MCC: variants seen among roughly 807,000 people sequenced by gnomAD.
The protein encoded by MCC is MCC regulator of Wnt signaling pathway, also known as colorectal mutant cancer protein.
Under a neutral mutation model 116.2 loss-of-function variants are expected in MCC, and 90 were observed. The observed-to-expected ratio is 0.77, with a 90% CI of 0.65 to 0.92. The LOEUF (loss-of-function observed/expected upper bound fraction) is 0.92. MCC is among the 40% of genes least tolerant of loss of function. MCC has a pLI of 0.00. For synonymous variants in MCC, 578 were observed against 510.5 expected (o/e 1.13, Z -1.78); for missense variants, 1,516 against 1,312.2 (o/e 1.16, Z -2.40).
chr5:113,073,325 G>A (rs1016420043), intron 11 of MCC, among the ~76,000 whole-genome samples: 1 of 152,200 alleles, frequency 6.6e-6, no homozygotes, highest in Admixed American at 6.5e-5. Flanking sequence ...TCCTGCCAGA[G>A]CTGCCCTGGC....
At chr5:113,202,721 C>G (rs920401335) in intron 3 of MCC, among the ~76,000 whole-genome samples, 3 of 151,860 alleles carry the variant, frequency 2.0e-5, no homozygotes, top group African/African-American at 4.8e-5. Flanking sequence ...TTCCCATTCC[C>G]CAGCTCCCCC....
intron 1 of MCC, among the ~76,000 whole-genome samples, chr5:113,442,639 A>C (rs1473978899): frequency 2.0e-5 from 3 of 152,180 alleles, no homozygotes; most frequent in African/African-American, 7.2e-5. Flanking sequence ...TAGGTCTTAC[A>C]TTTAGGTCTT....
At chr5:113,123,992 A>C (rs1233907729) in intron 5 of MCC, among the ~76,000 whole-genome samples, 1 of 152,218 alleles carries the variant, frequency 6.6e-6, no homozygotes, top group African/African-American at 2.4e-5. Flanking sequence ...CGGGAGACAC[A>C]TCTATAAATC....
intron 1 of MCC, among the ~76,000 whole-genome samples, chr5:113,474,190 G>T (rs1025156639): frequency 6.6e-6 from 1 of 152,184 alleles, no homozygotes; most frequent in Non-Finnish European, 1.5e-5. Flanking sequence ...AAAGGCAAAA[G>T]AAAAGAAAGC....
intron 1 of MCC, among the ~76,000 whole-genome samples, chr5:113,480,424 A>C (rs1772349183): frequency 6.6e-6 from 1 of 152,342 alleles, no homozygotes; most frequent in East Asian, 1.9e-4. Context: ...GTGAAATCTG[A>C]ATGTTTCTTA....
chr5:113,047,666 G>A (rs1219367713), intron 16 of MCC, among the ~76,000 whole-genome samples: 1 of 152,160 alleles, frequency 6.6e-6, no homozygotes, highest in African/African-American at 2.4e-5. Flanking sequence ...TGAAACAAAT[G>A]GGGGTCAAGA....
At chr5:113,195,468 G>A (rs955857245) in intron 3 of MCC, among the ~76,000 whole-genome samples, 1 of 152,074 alleles carries the variant, frequency 6.6e-6, no homozygotes. Context: ...TGACAGGCAG[G>A]TTAAACTTTC....
At chr5:113,247,711 T>C (rs1764629461) in intron 3 of MCC, among the ~76,000 whole-genome samples, 1 of 151,922 alleles carries the variant, frequency 6.6e-6, no homozygotes, top group Non-Finnish European at 1.5e-5. Flanking sequence ...ACAAAGGACG[T>C]CCTAAAGGAA....
At chr5:113,196,088 G>A (rs1380143018) in intron 3 of MCC, among the ~76,000 whole-genome samples, 2 of 152,184 alleles carry the variant, frequency 1.3e-5, no homozygotes, top group Non-Finnish European at 2.9e-5. Context: ...CTTGTGCCTC[G>A]GTTGGCACAT....
At chr5:113,459,709 A>G (rs923597987) in intron 1 of MCC, among the ~76,000 whole-genome samples, 1 of 152,072 alleles carries the variant, frequency 6.6e-6, no homozygotes, top group African/African-American at 2.4e-5. Flanking sequence ...CGCCCATTCT[A>G]CCTTTAGCTC....
intron 6 of MCC, among the ~76,000 whole-genome samples, chr5:113,119,919 G>C (rs1757636199): frequency 6.6e-6 from 1 of 152,214 alleles, no homozygotes; most frequent in African/African-American, 2.4e-5. Flanking sequence ...TCTGTGTGAG[G>C]ACCAGTGCAA....
At chr5:113,313,913 T>A (rs1182194849) in intron 3 of MCC, among the ~76,000 whole-genome samples, 2 of 152,042 alleles carry the variant, frequency 1.3e-5, no homozygotes, top group African/African-American at 4.8e-5. Context: ...CTTGGCCTCC[T>A]GGGCTCAAGT....
intron 3 of MCC, among the ~76,000 whole-genome samples, chr5:113,296,283 C>A (rs1766707803): frequency 6.6e-6 from 1 of 152,186 alleles, no homozygotes. Flanking sequence ...GATTCAAGCA[C>A]TGCCCCTGCC....
At chr5:113,423,973 A>G (rs11955591) in intron 1 of MCC, among the ~76,000 whole-genome samples, 4,756 of 152,110 alleles carry the variant, frequency 0.031, 239 homozygotes, top group African/African-American at 0.11. Context: ...CTAGCTTTAT[A>G]CCAACCAGAT....
At chr5:113,335,779 T>C (rs759861846) in intron 3 of MCC, among the ~76,000 whole-genome samples, 3 of 151,718 alleles carry the variant, frequency 2.0e-5, no homozygotes, top group Non-Finnish European at 4.4e-5. Context: ...TGGAACCACA[T>C]TCCCCAGAGT....
chr5:113,431,903 C>T (rs780239231), intron 1 of MCC, among the ~76,000 whole-genome samples: 6 of 151,828 alleles, frequency 4.0e-5, no homozygotes, highest in East Asian at 1.9e-4. Context: ...TTTGGGAGGC[C>T]GAGGTAGGCA....
At chr5:113,292,846 T>C (rs1276946031) in intron 3 of MCC, among the ~76,000 whole-genome samples, 1 of 152,168 alleles carries the variant, frequency 6.6e-6, no homozygotes, top group African/African-American at 2.4e-5. Context: ...CCTTAGAAGA[T>C]CACCAAAGGC....
intron 3 of MCC, among the ~76,000 whole-genome samples, chr5:113,267,809 C>T (rs370558422): frequency 3.9e-5 from 6 of 152,104 alleles, no homozygotes; most frequent in African/African-American, 1.4e-4. Context: ...TGGGAATATA[C>T]TAAAAACCAC....
intron 2 of MCC, among the ~76,000 whole-genome samples, chr5:113,371,727 A>G (rs1768840840): frequency 6.6e-6 from 1 of 152,258 alleles, no homozygotes; most frequent in Admixed American, 6.5e-5. Context: ...CATTAGTTAA[A>G]ACATTAATCA....
Sources: gnomAD v4.1 joint callset for allele counts (sites outside exome capture counted in the v4.1 genomes callset) on GRCh38, gnomAD v4.1.1 for gene constraint, MANE v1.5 for transcripts, NCBI Gene and HGNC (gene_info 2026-07-23, HGNC 2026-07-21) for gene names.